PCDHA6: variants seen among roughly 807,000 people sequenced by gnomAD.
The protein encoded by PCDHA6 is protocadherin alpha-6.
A neutral mutation model predicts 60.3 loss-of-function variants in PCDHA6; 55 were observed. The ratio of observed to expected loss-of-function variants is 0.91; its 90% CI spans 0.73 to 1.14. The LOEUF is 1.14. Among genes scored for constraint, PCDHA6 ranks in the 50% most tolerant of loss-of-function variants. The pLI is 0.00. For missense variants in PCDHA6, 1,327 were observed against 1,256.5 expected, an observed-to-expected ratio of 1.06 and a Z score of -0.85; for synonymous variants, 652 against 557.9, an observed-to-expected ratio of 1.17 and a Z score of -2.38.
rs147430561 is a variant in PCDHA6, at chr5:140,928,238, A to G, written c.2395-50711A>G. 4.7e-4 allele frequency: 756 copies of G among 1,614,188 alleles called. 4 individuals carry two copies. The African/African-American group carries it at 9.0e-3, about 19-fold the overall frequency. Reference sequence around the variant, plus strand: ...AATACACCAAACTTTCCTCAACCCCAGCAGGAACTTTTCGTTGCTGAAAAC... The same window carrying G: ...AATACACCAAACTTTCCTCAACCCCGGCAGGAACTTTTCGTTGCTGAAAAC... On this transcript the variant is annotated intron_variant, in intron 1 of 3. Coordinates refer to ENST00000529310, the MANE Select transcript of PCDHA6 (RefSeq NM_018909.4).
intron 1 of PCDHA6, chr5:140,926,643 G>A (rs1292255848): frequency 4.9e-5 from 22 of 452,632 alleles, no homozygotes; most frequent in African/African-American, 3.9e-4. Flanking sequence ...CTCAACACCC[G>A]GCCGGCTCCG....
chr5:140,844,390 A>G (rs1233880656), intron 1 of PCDHA6, among the ~76,000 whole-genome samples: 1 of 149,636 alleles, frequency 6.7e-6, no homozygotes, highest in Non-Finnish European at 1.5e-5. Flanking sequence ...TTCATTATTT[A>G]GACCATTTTA....
rs2150392159 is a variant in PCDHA6, at chr5:140,846,538, C to T, written c.2394+16053C>T. ...TACAGGTGCATGCCACCATGCCCTG[C>T]TAATTTTTTGTATTTTTAGTAGAGT... On this transcript the variant is annotated intron_variant, in intron 1 of 3. Transcript: ENST00000529310. Among the ~76,000 whole-genome samples the T allele has an allele frequency of 2.0e-4, 30 of 148,498 alleles. 2 individuals are homozygous for T. The highest frequency in any genetic ancestry group is 4.1e-4 in the Admixed American group (6 of 14,814).
At chr5:140,941,375 G>A (rs1441847516) in intron 1 of PCDHA6, among the ~76,000 whole-genome samples, 1 of 134,938 alleles carries the variant, frequency 7.4e-6, no homozygotes, top group Non-Finnish European at 1.5e-5. Context: ...GGAGTGTAGT[G>A]ACAGGATTTT....
chr5:140,870,932 T>C (rs1428252254), intron 1 of PCDHA6: 1 of 1,613,824 alleles, frequency 6.2e-7, no homozygotes, highest in South Asian at 1.1e-5. Context: ...TCATATGAAT[T>C]GCAGCCGGCG....
intron 1 of PCDHA6, chr5:140,928,449 G>A (rs1225507568): frequency 3.7e-6 from 6 of 1,614,136 alleles, no homozygotes; most frequent in Non-Finnish European, 5.1e-6. Context: ...AGCAGCTCAG[G>A]GGGTTTCATT....
At chr5:140,955,293 T>A (rs2095165956) in intron 1 of PCDHA6, among the ~76,000 whole-genome samples, 1 of 152,182 alleles carries the variant, frequency 6.6e-6, no homozygotes, top group Non-Finnish European at 1.5e-5. Flanking sequence ...ATGGTTTGGC[T>A]GTGTCCCCAC....
At chr5:141,002,923 C>A (rs1261794185) in intron 3 of PCDHA6, among the ~76,000 whole-genome samples, 2 of 152,220 alleles carry the variant, frequency 1.3e-5, no homozygotes, top group Non-Finnish European at 2.9e-5. Flanking sequence ...AAAGTGAACA[C>A]CCTCCAACAC....
chr5:141,006,869 C>T (rs190273260), intron 3 of PCDHA6, among the ~76,000 whole-genome samples: 50 of 152,182 alleles, frequency 3.3e-4, no homozygotes, highest in African/African-American at 1.0e-3. Flanking sequence ...GGAATAGATT[C>T]GAGGAATCAA....
At chr5:140,848,386 TC>T in intron 1 of PCDHA6, 1 of 1,217,430 alleles carries the variant, frequency 8.2e-7, no homozygotes, top group Non-Finnish European at 1.2e-6. Context: ...TTTTTCACTC[TC>T]TCTGTGCTGA....
intron 1 of PCDHA6, among the ~76,000 whole-genome samples, chr5:140,904,464 T>G (rs2071152048): frequency 1.3e-5 from 2 of 151,802 alleles, no homozygotes; most frequent in South Asian, 4.1e-4. Context: ...CACTTGTTGA[T>G]TGGTGGCTAT....
At chr5:140,891,970 C>T (rs1554185021) in intron 1 of PCDHA6, among the ~76,000 whole-genome samples, 1 of 152,168 alleles carries the variant, frequency 6.6e-6, no homozygotes, top group African/African-American at 2.4e-5. Flanking sequence ...AGTAAATTTC[C>T]GTTCTCATAA....
chr5:140,835,527 A>T, intron 1 of PCDHA6: 1 of 1,613,968 alleles, frequency 6.2e-7, no homozygotes, highest in Non-Finnish European at 8.5e-7. Context: ...TTTTGGAGTC[A>T]ACGGACAGGT....
chr5:140,889,760 A>T (rs1228592233), intron 1 of PCDHA6, among the ~76,000 whole-genome samples: 1 of 152,158 alleles, frequency 6.6e-6, no homozygotes, highest in Admixed American at 6.5e-5. Flanking sequence ...CTTTCCTTGA[A>T]CTTTGACTGG....
At chr5:140,922,371 T>G (rs1194947703) in intron 1 of PCDHA6, among the ~76,000 whole-genome samples, 1 of 152,204 alleles carries the variant, frequency 6.6e-6, no homozygotes, top group Non-Finnish European at 1.5e-5. Context: ...CTCACTGAGA[T>G]GCAAAACCAA....
At chr5:140,875,516 T>G in intron 1 of PCDHA6, 1 of 1,613,976 alleles carries the variant, frequency 6.2e-7, no homozygotes, top group Non-Finnish European at 8.5e-7. Context: ...CAGCGTCTGC[T>G]GCTCTCGCTT....
chr5:140,928,081 C>G lies in PCDHA6; in HGVS notation c.2395-50868C>G, dbSNP rs782268064. On this transcript the variant is annotated intron_variant, in intron 1 of 3. Coordinates refer to ENST00000529310, the MANE Select transcript of PCDHA6 (RefSeq NM_018909.4). ...GGCTTCCTTTGACAACTACTACAGC[C>G]TGCTGATTGATGGGCCCCTGGACCG... is the stretch of plus-strand genomic sequence containing the variant. 6.2e-6 allele frequency: 10 copies of G among 1,614,090 alleles called. 1 individual carries two copies. In the South Asian group the frequency reaches 6.6e-5, roughly 11 times the overall value.
At chr5:140,839,504 C>A (rs1554137483) in intron 1 of PCDHA6, among the ~76,000 whole-genome samples, 1 of 152,000 alleles carries the variant, frequency 6.6e-6, no homozygotes, top group Non-Finnish European at 1.5e-5. Flanking sequence ...ATCTTCCTAC[C>A]TCAGCCTCTC....
chr5:141,003,796 G>A (rs2098138988), intron 3 of PCDHA6, among the ~76,000 whole-genome samples: 1 of 152,168 alleles, frequency 6.6e-6, no homozygotes, highest in Non-Finnish European at 1.5e-5. Context: ...ATCCTATTGG[G>A]TTGTAATCTG....
Sources: allele counts gnomAD v4.1 joint callset (sites outside exome capture counted in the v4.1 genomes callset), GRCh38; gene constraint gnomAD v4.1.1; transcripts MANE v1.5; gene names NCBI Gene and HGNC (gene_info 2026-07-23, HGNC 2026-07-21).